The following KCNN2 variants were observed in gnomAD, a reference collection of about 807,000 sequenced individuals.
The protein encoded by KCNN2 is small conductance calcium-activated potassium channel protein 2.
In KCNN2, 24 loss-of-function variants were observed where a neutral mutation model predicts 55.5. The ratio of observed to expected loss-of-function variants is 0.43; its 90% CI spans 0.31 to 0.61. The LOEUF (loss-of-function observed/expected upper bound fraction) is 0.61, where lower values mean the gene tolerates loss of function less well. KCNN2 is among the 20% of genes least tolerant of loss of function. KCNN2 has a pLI of 0.08. For synonymous variants in KCNN2, 431 were observed against 336.1 expected (o/e 1.28, Z -3.09); for missense variants, 754 against 853.6 (o/e 0.88, Z 1.45).
chr5:114,260,598 G>C (rs1279310654), intron 2 of KCNN2, among the ~76,000 whole-genome samples: 1 of 152,142 alleles, frequency 6.6e-6, no homozygotes, highest in East Asian at 1.9e-4. Flanking sequence ...ACCTAGCACA[G>C]TGCAAATAGT....
intron 1 of KCNN2, among the ~76,000 whole-genome samples, chr5:114,096,596 T>C (rs1396896628): frequency 2.0e-5 from 3 of 152,060 alleles, no homozygotes; most frequent in African/African-American, 4.8e-5. Context: ...CTTACTCACC[T>C]CCCACAGATG....
At chr5:114,371,392 A>G (rs2150050895) in intron 2 of KCNN2, among the ~76,000 whole-genome samples, 1 of 152,254 alleles carries the variant, frequency 6.6e-6, no homozygotes, top group African/African-American at 2.4e-5. Context: ...TGACATCTAG[A>G]GGTTGAGTAA....
At chr5:114,170,053 AC>A (rs1176686855) in intron 1 of KCNN2, among the ~76,000 whole-genome samples, 4 of 152,066 alleles carry the variant, frequency 2.6e-5, no homozygotes, top group African/African-American at 9.7e-5. Flanking sequence ...TTATATTGTC[AC>A]TAGGAATAAT....
At chr5:114,377,404 G>A (rs1005310489) in intron 2 of KCNN2, among the ~76,000 whole-genome samples, 4 of 152,160 alleles carry the variant, frequency 2.6e-5, no homozygotes, top group Non-Finnish European at 4.4e-5. Flanking sequence ...AAGCATAAGC[G>A]TAACATTTTC....
chr5:114,470,934 T>G (rs1304034061), intron 4 of KCNN2, among the ~76,000 whole-genome samples: 5 of 152,146 alleles, frequency 3.3e-5, no homozygotes, highest in Non-Finnish European at 7.4e-5. Context: ...AGCACTAGGA[T>G]TTTTACAAAC....
intron 2 of KCNN2, among the ~76,000 whole-genome samples, chr5:114,388,059 T>G (rs1484525205): frequency 2.6e-5 from 4 of 152,242 alleles, no homozygotes; most frequent in African/African-American, 9.6e-5. Context: ...AATATAGTAT[T>G]TGCATTCTTT....
intron 1 of KCNN2, among the ~76,000 whole-genome samples, chr5:114,161,689 C>G (rs546902319): frequency 6.6e-6 from 1 of 152,274 alleles, no homozygotes; most frequent in Admixed American, 6.5e-5. Context: ...TTCTTGGAGG[C>G]TTTGTTAATT....
At chr5:114,062,545 T>G (rs774694925) in intron 1 of KCNN2, among the ~76,000 whole-genome samples, 62 of 152,216 alleles carry the variant, frequency 4.1e-4, no homozygotes, top group Non-Finnish European at 8.4e-4. Context: ...CTTTTAATTT[T>G]CATTTGCTTC....
intron 1 of KCNN2, among the ~76,000 whole-genome samples, chr5:114,122,483 T>C (rs1377391455): frequency 6.6e-6 from 1 of 152,166 alleles, no homozygotes; most frequent in Non-Finnish European, 1.5e-5. Flanking sequence ...CACTATACCT[T>C]ATACGAGCCC....
rs533672518 is a variant in KCNN2 at position 114,077,844 on chromosome 5, G to T, written c.-271+21344G>T. ...TGTGGCAGAGGATCAGAGAAGGGGG[G>T]TGGTGAAGACTTGCTCTTCTCCTTC... On this transcript the variant is annotated intron_variant, in intron 1 of 10. Transcript: ENST00000512097. Among the ~76,000 whole-genome samples the T allele has an allele frequency of 2.0e-4, 30 of 152,304 alleles. No homozygotes were observed. The East Asian group carries it at 5.2e-3, about 26-fold the overall frequency.
intron 2 of KCNN2, among the ~76,000 whole-genome samples, chr5:114,343,742 G>A (rs1356596928): frequency 6.6e-6 from 1 of 152,060 alleles, no homozygotes; most frequent in African/African-American, 2.4e-5. Context: ...TGTGGTGAGG[G>A]AATGAGTGGT....
intron 5 of KCNN2, among the ~76,000 whole-genome samples, chr5:114,485,548 G>A (rs1305093744): frequency 6.6e-6 from 1 of 152,188 alleles, no homozygotes; most frequent in South Asian, 2.1e-4. Context: ...GGAAGTGGAA[G>A]TATGAAGATG....
At chr5:114,478,576 C>G (rs1762079355) in intron 5 of KCNN2, among the ~76,000 whole-genome samples, 1 of 151,876 alleles carries the variant, frequency 6.6e-6, no homozygotes, top group Non-Finnish European at 1.5e-5. Flanking sequence ...ACAAGAAGGT[C>G]AACCCCCAAG....
intron 2 of KCNN2, among the ~76,000 whole-genome samples, chr5:114,367,255 A>T (rs1757628226): frequency 6.6e-6 from 1 of 152,182 alleles, no homozygotes; most frequent in Non-Finnish European, 1.5e-5. Flanking sequence ...CTTTGGTGTC[A>T]TTTTTCAGTA....
chr5:114,315,455 GTGTGTGTGTGTATATA>G (rs1481394699), intron 2 of KCNN2, among the ~76,000 whole-genome samples: 12 of 101,112 alleles, frequency 1.2e-4, no homozygotes, highest in African/African-American at 1.6e-4. Context: ...GTGTGTGTGT[GTGTGTGTGTGTATATA>G]TATATAAAAC....
intron 1 of KCNN2, among the ~76,000 whole-genome samples, chr5:114,092,193 T>A (rs1442014347): frequency 6.6e-6 from 1 of 152,146 alleles, no homozygotes; most frequent in Non-Finnish European, 1.5e-5. Flanking sequence ...CTGTTTCAGA[T>A]TGGAGAAATT....
At chr5:114,171,232 T>C (rs1753025763) in intron 1 of KCNN2, among the ~76,000 whole-genome samples, 1 of 152,032 alleles carries the variant, frequency 6.6e-6, no homozygotes, top group Non-Finnish European at 1.5e-5. Flanking sequence ...TGTCTTCAAC[T>C]TGGAGGCCAC....
intron 1 of KCNN2, among the ~76,000 whole-genome samples, chr5:114,139,449 T>A (rs1322634698): frequency 7.6e-6 from 1 of 132,362 alleles, no homozygotes. Flanking sequence ...GAACACACAC[T>A]CACACAACCA....
chr5:114,259,218 G>C (rs1381249703), intron 2 of KCNN2, among the ~76,000 whole-genome samples: 3 of 152,182 alleles, frequency 2.0e-5, no homozygotes, highest in African/African-American at 7.2e-5. Context: ...CCCAACAGGA[G>C]CTCTCTTGGT....
Sources: gnomAD v4.1 joint callset for allele counts (sites outside exome capture counted in the v4.1 genomes callset) on GRCh38, gnomAD v4.1.1 for gene constraint, MANE v1.5 for transcripts, NCBI Gene and HGNC (gene_info 2026-07-23, HGNC 2026-07-21) for gene names.